Variants in PHF21A observed in about 807,000 individuals in gnomAD.
The protein encoded by PHF21A is BHC80a.
A neutral mutation model predicts 82.5 loss-of-function variants in PHF21A; 11 were observed. The observed-to-expected ratio is 0.13, with a 90% CI of 0.08 to 0.22. The LOEUF (loss-of-function observed/expected upper bound fraction) is 0.22, where lower values mean the gene tolerates loss of function less well. PHF21A is among the 10% of genes least tolerant of loss of function. The probability of loss-of-function intolerance (pLI) is 1.00; values close to 1 mark genes in which losing one functional copy is unlikely to be tolerated. For synonymous variants in PHF21A, 297 were observed against 302.8 expected (o/e 0.98, Z 0.20); for missense variants, 579 against 837.8 (o/e 0.69, Z 3.81).
At chr11:46,052,490 A>C (rs1025252138) in intron 6 of PHF21A, among the ~76,000 whole-genome samples, 3 of 152,052 alleles carry the variant, frequency 2.0e-5, no homozygotes, top group Non-Finnish European at 4.4e-5. Context: ...TAGCCATTCA[A>C]CCTCACTGCC....
chr11:45,956,982 T>C (rs1184389205), intron 10 of PHF21A, among the ~76,000 whole-genome samples: 1 of 152,184 alleles, frequency 6.6e-6, no homozygotes, highest in Non-Finnish European at 1.5e-5. Context: ...TGAATGGCTA[T>C]AGTACTATTA....
chr11:46,115,328 G>A (rs1195435809), intron 1 of PHF21A, among the ~76,000 whole-genome samples: 1 of 152,046 alleles, frequency 6.6e-6, no homozygotes, highest in African/African-American at 2.4e-5. Flanking sequence ...TAATAGAAAA[G>A]TTATTCATAA....
intron 1 of PHF21A, among the ~76,000 whole-genome samples, chr11:46,107,740 A>C (rs1347782790): frequency 6.6e-6 from 1 of 152,226 alleles, no homozygotes; most frequent in Non-Finnish European, 1.5e-5. Flanking sequence ...CAACAAGTTA[A>C]AACTCTCAAA....
At chr11:46,100,556 A>G (rs1462805403) in intron 1 of PHF21A, among the ~76,000 whole-genome samples, 1 of 152,176 alleles carries the variant, frequency 6.6e-6, no homozygotes, top group African/African-American at 2.4e-5. Context: ...TGTAGAGGGA[A>G]CTTATTAAAG....
At chr11:46,074,376 C>T (rs779405279) in intron 6 of PHF21A, among the ~76,000 whole-genome samples, 27 of 147,372 alleles carry the variant, frequency 1.8e-4, no homozygotes, top group Admixed American at 6.8e-5. Flanking sequence ...ATCAGTCATA[C>T]GGATAAGGTA....
intron 6 of PHF21A, among the ~76,000 whole-genome samples, chr11:46,022,689 T>C (rs1019471813): frequency 6.6e-6 from 1 of 152,278 alleles, no homozygotes; most frequent in South Asian, 2.1e-4. Context: ...CTCTAACCCC[T>C]GGGCTGAAGC....
intron 1 of PHF21A, among the ~76,000 whole-genome samples, chr11:46,110,511 C>G (rs550174941): frequency 1.3e-5 from 2 of 152,292 alleles, no homozygotes; most frequent in East Asian, 3.9e-4. Flanking sequence ...CACATGGGTA[C>G]ATATAATGAT....
At chr11:46,059,353 T>C (rs1321581208) in intron 6 of PHF21A, among the ~76,000 whole-genome samples, 1 of 152,170 alleles carries the variant, frequency 6.6e-6, no homozygotes, top group Non-Finnish European at 1.5e-5. Flanking sequence ...TAATTGAGAA[T>C]GTAAAGAAAT....
chr11:45,975,605 C>T (rs1010290374), intron 7 of PHF21A, among the ~76,000 whole-genome samples: 1 of 152,148 alleles, frequency 6.6e-6, no homozygotes, highest in Non-Finnish European at 1.5e-5. Context: ...TTCTTCTTTA[C>T]ATTTGCATTA....
rs1025530852 is a variant in PHF21A, at chr11:46,109,472, T to C, written c.-237+11463A>G. Among the ~76,000 whole-genome samples, 5 of 152,208 alleles carry C rather than the reference T, an allele frequency of 3.3e-5. No homozygotes were observed. In the South Asian group the frequency reaches 8.3e-4, roughly 25 times the overall value. ...TGTATGTCACTTCTCCAAACACAAA[T>C]ATATATATTTATGTAAGTTTGTATA... On this transcript the variant is annotated intron_variant, in intron 1 of 18. Coordinates refer to ENST00000676320, the MANE Select transcript of PHF21A (RefSeq NM_001352027.3).
intron 1 of PHF21A, among the ~76,000 whole-genome samples, chr11:46,103,636 A>G (rs150639079): frequency 5.9e-5 from 9 of 152,362 alleles, no homozygotes; most frequent in Non-Finnish European, 1.2e-4. Flanking sequence ...TAGTGAGAAC[A>G]AAAAGTTAAT....
chr11:46,006,061 A>G (rs2137172922), intron 6 of PHF21A, among the ~76,000 whole-genome samples: 1 of 152,346 alleles, frequency 6.6e-6, no homozygotes, highest in South Asian at 2.1e-4. Context: ...AAAATAATTC[A>G]AATTCAGACA....
At chr11:45,953,995 T>C (rs1283924102) in intron 10 of PHF21A, among the ~76,000 whole-genome samples, 1 of 152,140 alleles carries the variant, frequency 6.6e-6, no homozygotes, top group African/African-American at 2.4e-5. Flanking sequence ...CTGCTATTTT[T>C]TGTTGTTGTT....
In PHF21A at chr11:45,945,864, G is replaced by C; in HGVS notation, c.1428C>G (p.Ser476=). ...FTFPAPVQPV[S]LPSPTSTDGD... The stretch of plus-strand genomic sequence containing the variant: ...CGTCTGTGGAGGTGGGGCTGGGCAG[G>C]GACACAGGCTGAACAGGTGCAGGGA... The change falls in exon 15 of 19, where the codon TCC becomes TCG. Residue 476 remains serine (S), a synonymous_variant. Coordinates refer to ENST00000676320, the MANE Select transcript of PHF21A (RefSeq NM_001352027.3). The C allele has an allele frequency of 6.3e-7, 1 of 1,592,564 alleles. No individual in the cohort carries two copies.
intron 6 of PHF21A, among the ~76,000 whole-genome samples, chr11:45,998,730 T>C (rs2095003058): frequency 6.6e-6 from 1 of 152,102 alleles, no homozygotes; most frequent in Non-Finnish European, 1.5e-5. Flanking sequence ...CAGGCTGGTC[T>C]CGAACTTCGG....
intron 2 of PHF21A, 125 bp downstream of exon 2, chr11:46,092,058 T>C (rs937763945): frequency 1.4e-5 from 2 of 146,808 alleles, no homozygotes; most frequent in African/African-American, 5.1e-5. Flanking sequence ...TTAGTGCAAA[T>C]AGCAAAGCCC....
At chr11:45,949,923 C>G (rs1486593055) in intron 12 of PHF21A, among the ~76,000 whole-genome samples, 1 of 152,200 alleles carries the variant, frequency 6.6e-6, no homozygotes, top group Admixed American at 6.5e-5. Flanking sequence ...CAGAAGAGCA[C>G]TTCGCTGTGC....
At chr11:46,028,925 C>T (rs2095809078) in intron 6 of PHF21A, among the ~76,000 whole-genome samples, 1 of 152,184 alleles carries the variant, frequency 6.6e-6, no homozygotes, top group Non-Finnish European at 1.5e-5. Context: ...ATGTGTATTA[C>T]TATGCCCCAA....
At chr11:46,010,635 A>C (rs949261993) in intron 6 of PHF21A, among the ~76,000 whole-genome samples, 10 of 152,338 alleles carry the variant, frequency 6.6e-5, no homozygotes, top group Admixed American at 4.6e-4. Context: ...AACAATCACA[A>C]AACAAAACAA....
Sources: allele counts gnomAD v4.1 joint callset (sites outside exome capture counted in the v4.1 genomes callset), GRCh38; gene constraint gnomAD v4.1.1; transcripts MANE v1.5; gene names NCBI Gene and HGNC (gene_info 2026-07-23, HGNC 2026-07-21).